Variants in LITAF observed in about 807,000 individuals in gnomAD.
LITAF encodes lipopolysaccharide-induced tumor necrosis factor-alpha factor.
Under a neutral mutation model 14.5 loss-of-function variants are expected in LITAF, and 9 were observed. That is an observed-to-expected ratio of 0.62 (90% CI 0.37 to 1.08). The LOEUF (loss-of-function observed/expected upper bound fraction) is 1.08, where lower values mean the gene tolerates loss of function less well. Among genes scored for constraint, LITAF ranks in the 50% least tolerant of loss-of-function variants. LITAF has a pLI of 0.01. For synonymous variants in LITAF, 98 were observed against 88.2 expected (o/e 1.11, Z -0.62); for missense variants, 206 against 213.4 (o/e 0.97, Z 0.22).
chr16:11,557,327 G>A (rs749321941), intron 1 of LITAF, among the ~76,000 whole-genome samples: 12 of 151,208 alleles, frequency 7.9e-5, no homozygotes, highest in South Asian at 2.1e-4. Flanking sequence ...GGGCCTTTGC[G>A]GGGGGCGGGT....
intron 3 of LITAF, among the ~76,000 whole-genome samples, chr16:11,624,029 AATCCC>A (rs995299859): frequency 6.6e-6 from 1 of 152,172 alleles, no homozygotes; most frequent in Non-Finnish European, 1.5e-5. Context: ...TCACACTTGT[AATCCC>A]AGTACTTTGG....
intron 1 of LITAF, among the ~76,000 whole-genome samples, chr16:11,576,113 G>A (rs191995942): frequency 2.9e-4 from 44 of 152,232 alleles, no homozygotes; most frequent in Admixed American, 7.2e-4. Flanking sequence ...GGCCTCAAGT[G>A]ATCCTCCCAA....
At chr16:11,587,262 TTTGC>T, upstream of LITAF, 1 of 405,012 alleles carries the variant, frequency 2.5e-6, no homozygotes, top group Non-Finnish European at 4.9e-6. Flanking sequence ...TCCCTCCTGA[TTTGC>T]CGCTCGCGGC....
chr16:11,632,702 C>T lies in LITAF; in HGVS notation c.85+831G>A, dbSNP rs1038378791. ...GCAGATGCCACCCAGGCCCTTCTTT[C>T]GGTTCTGCAAATGCCACTGGCTCTG... is the stretch of plus-strand genomic sequence containing the variant. On this transcript the variant is annotated intron_variant, in intron 3 of 3. Transcript: ENST00000574848. This position sits in a 1 kb window ranked among gnomAD's most constrained non-coding sequence, Gnocchi z 4.8. 1.1e-4 allele frequency among the ~76,000 whole-genome samples: 17 copies of T among 152,220 alleles called. No homozygotes were observed. Among genetic ancestry groups the T allele is most frequent in the Admixed American group, 7.2e-4 (11 of 15,282 alleles).
chr16:11,581,364 G>A (rs1001323955), intron 1 of LITAF, among the ~76,000 whole-genome samples: 1 of 152,182 alleles, frequency 6.6e-6, no homozygotes, highest in African/African-American at 2.4e-5. Flanking sequence ...CAAAATTTGA[G>A]TGCTTTGGGG....
intron 1 of LITAF, among the ~76,000 whole-genome samples, chr16:11,562,511 T>C (rs1243185438): frequency 1.3e-5 from 2 of 152,082 alleles, no homozygotes; most frequent in Non-Finnish European, 2.9e-5. Flanking sequence ...GTGGAATCAC[T>C]TTCACATCTA....
chr16:11,620,326 T>C (rs955139729), intron 3 of LITAF, among the ~76,000 whole-genome samples: 3 of 152,118 alleles, frequency 2.0e-5, no homozygotes, highest in African/African-American at 4.8e-5. Flanking sequence ...TCTGAGTTCA[T>C]GGGAGATCTG....
At chr16:11,638,084 C>CTA (rs1567271135), upstream of LITAF, among the ~76,000 whole-genome samples, 965 of 75,174 alleles carry the variant, frequency 0.013, 238 homozygotes, top group African/African-American at 0.056. Context: ...ATATCTATAT[C>CTA]TATCTATCTA....
intron 3 of LITAF, among the ~76,000 whole-genome samples, chr16:11,609,938 G>A (rs2064973831): frequency 1.3e-5 from 2 of 152,108 alleles, no homozygotes; most frequent in African/African-American, 4.8e-5. Context: ...TCTCTCTCCA[G>A]GCCCAGAGGT....
chr16:11,566,003 G>A (rs1270488836), intron 1 of LITAF, among the ~76,000 whole-genome samples: 1 of 151,984 alleles, frequency 6.6e-6, no homozygotes, highest in East Asian at 1.9e-4. Flanking sequence ...TTTCCCATCC[G>A]TAAAATGGGT....
At chr16:11,597,240 G>A (rs527592410) in intron 1 of LITAF, among the ~76,000 whole-genome samples, 2 of 152,194 alleles carry the variant, frequency 1.3e-5, no homozygotes, top group Admixed American at 6.5e-5. Context: ...GTGACTTTGG[G>A]GTCATCTACT....
At position 11,549,675 on chromosome 16, in the gene LITAF, T is replaced by G. The variant is rs764014476; in HGVS notation, c.448A>C (p.Asn150His). The G allele has an allele frequency of 7.1e-5, 115 of 1,613,564 alleles. 1 individual carries two copies. Among genetic ancestry groups the G allele is most frequent in the Non-Finnish European group, 3.1e-5 (37 of 1,179,838 alleles). The change falls in exon 4 of 4, where the codon AAC becomes CAC. Residue 150 changes from asparagine (N) to histidine (H), a missense_variant. Asn to His is a moderately conservative substitution (Grantham distance 68). Transcript: ENST00000622633. The surrounding 1 kb of genome is among the most constrained non-coding windows in gnomAD (Gnocchi z 4.6). The stretch of plus-strand genomic sequence containing the variant: ...TAGGTGCCCAGGAGAGCTCTGCAGT[T>G]GGGACAGTAATGGTCCACGTCCTGC... ...ALQDVDHYCP[N>H]CRALLGTYKR...
At position 11,553,326 on chromosome 16, in the gene LITAF, G is replaced by T. The variant is rs772584136; in HGVS notation, c.377+207C>A. 2.8e-5 allele frequency: 16 copies of T among 576,092 alleles called. No individual in the cohort carries two copies. The East Asian group carries it at 4.9e-4, about 18-fold the overall frequency. The allele number at this position is 576,092 out of a possible 1,614,324, so 35.7% of individuals were successfully genotyped here. A position where few individuals can be genotyped will look rare whatever the true frequency, so the allele number is the denominator to read the frequency against. On this transcript the variant is annotated intron_variant, in intron 3 of 3. Coordinates refer to ENST00000622633, the MANE Select transcript of LITAF (RefSeq NM_001136472.2). The surrounding 1 kb of genome is among the most constrained non-coding windows in gnomAD (Gnocchi z 7.7). ...CACGGGACGCTAAGGCAGGAGAATC[G>T]TTTGAACCTGAGCAGTGGGGGTTAC... is the stretch of plus-strand genomic sequence containing the variant.
upstream of LITAF, among the ~76,000 whole-genome samples, chr16:11,602,926 C>A (rs1450305857): frequency 6.6e-6 from 1 of 151,752 alleles, no homozygotes; most frequent in Non-Finnish European, 1.5e-5. Context: ...GCCTGGGCAA[C>A]CCAGCGAGAC....
In LITAF at chr16:11,558,038, G is replaced by A. The variant is rs903501682; in HGVS notation, c.-5-1303C>T. On this transcript the variant is annotated intron_variant, in intron 1 of 3. Transcript: ENST00000622633. This position sits in a 1 kb window ranked among gnomAD's most constrained non-coding sequence, Gnocchi z 4.1. ...GGGCAGGGTTCAGGCTGCCTTAGAAGAGCCATTCAAACCTGTCTCGGGAGA... is the reference window on the plus strand; with the variant it reads ...GGGCAGGGTTCAGGCTGCCTTAGAAAAGCCATTCAAACCTGTCTCGGGAGA... Among the ~76,000 whole-genome samples the A allele has an allele frequency of 6.6e-6, 1 of 152,154 alleles. No individual in the cohort carries two copies. Among genetic ancestry groups the A allele is most frequent in the African/African-American group, 2.4e-5 (1 of 41,424 alleles).
At chr16:11,608,366 G>C (rs888386757) in intron 3 of LITAF, among the ~76,000 whole-genome samples, 1 of 152,198 alleles carries the variant, frequency 6.6e-6, no homozygotes, top group Non-Finnish European at 1.5e-5. Context: ...GTGGGGAAAG[G>C]GGAGGGGAGT....
At chr16:11,572,488 A>G (rs1786645557) in intron 1 of LITAF, among the ~76,000 whole-genome samples, 2 of 151,034 alleles carry the variant, frequency 1.3e-5, no homozygotes, top group South Asian at 4.2e-4. Flanking sequence ...GACATCACAC[A>G]CCTGCTGACG....
At chr16:11,622,573 A>T (rs962459065) in intron 3 of LITAF, among the ~76,000 whole-genome samples, 2 of 152,242 alleles carry the variant, frequency 1.3e-5, no homozygotes, top group African/African-American at 2.4e-5. Context: ...CCTCTTGCAG[A>T]GAAAACAAAA....
rs200702853 is a variant in LITAF, at chr16:11,556,699, G to C, written c.32C>G (p.Thr11Ser). The change falls in exon 2 of 4, where the codon ACT becomes AGT. Residue 11 changes from threonine (T) to serine (S), a missense_variant. Coordinates refer to ENST00000622633, the MANE Select transcript of LITAF (RefSeq NM_001136472.2). Reference protein sequence around the residue: MSVPGPYQAATGPSSAPSAPP... With the variant: MSVPGPYQAASGPSSAPSAPP... ...TGCGGATGGTGCTGAGGAAGGCCCAGTGGCCGCCTGGTAAGGTCCTGGAAC... is the reference window on the plus strand; with the variant it reads ...TGCGGATGGTGCTGAGGAAGGCCCACTGGCCGCCTGGTAAGGTCCTGGAAC... The C allele has an allele frequency of 2.5e-6, 4 of 1,614,068 alleles. No individual in the cohort carries two copies. Among genetic ancestry groups the C allele is most frequent in the East Asian group, 4.5e-5 (2 of 44,892 alleles).
Sources: gnomAD v4.1 joint callset for allele counts (sites outside exome capture counted in the v4.1 genomes callset) on GRCh38, gnomAD v4.1.1 for gene constraint, Gnocchi (gnomAD v3.1) non-coding constraint, MANE v1.5 for transcripts, NCBI Gene and HGNC (gene_info 2026-07-23, HGNC 2026-07-21) for gene names.